The following PTPRG variants were observed in gnomAD, a reference collection of about 807,000 sequenced individuals.
PTPRG encodes the protein receptor-type tyrosine-protein phosphatase gamma.
Under a neutral mutation model 165.3 loss-of-function variants are expected in PTPRG, and 102 were observed. The observed-to-expected ratio is 0.62, with a 90% CI of 0.53 to 0.73. The LOEUF is 0.73. PTPRG is among the 30% of genes least tolerant of loss of function. The probability of loss-of-function intolerance (pLI) is 0.00; values close to 1 mark genes in which losing one functional copy is unlikely to be tolerated. For synonymous variants in PTPRG, 675 were observed against 669.5 expected, an observed-to-expected ratio of 1.01 and a Z score of -0.13; for missense variants, 1,866 against 1,861.4, an observed-to-expected ratio of 1.00 and a Z score of -0.05.
chr3:61,723,265 T>C (rs540564080), intron 1 of PTPRG, among the ~76,000 whole-genome samples: 1 of 152,294 alleles, frequency 6.6e-6, no homozygotes, highest in Admixed American at 6.5e-5. Context: ...GTGACTTTTC[T>C]ATTTTTTTTT....
intron 4 of PTPRG, among the ~76,000 whole-genome samples, chr3:62,065,999 C>G (rs1700999984): frequency 6.6e-6 from 1 of 152,220 alleles, no homozygotes; most frequent in South Asian, 2.1e-4. Flanking sequence ...TTATGGAGAA[C>G]CATGATGTGG....
At chr3:61,994,124 TC>T (rs2040962950) in intron 3 of PTPRG, among the ~76,000 whole-genome samples, 1 of 152,188 alleles carries the variant, frequency 6.6e-6, no homozygotes, top group African/African-American at 2.4e-5. Context: ...TAAAGTTATT[TC>T]CCTTTCTTTC....
chr3:61,891,233 A>T (rs914974525), intron 2 of PTPRG, among the ~76,000 whole-genome samples: 2 of 152,062 alleles, frequency 1.3e-5, no homozygotes, highest in Non-Finnish European at 2.9e-5. Context: ...CAAGAGAATC[A>T]CTTGAATCAG....
intron 1 of PTPRG, among the ~76,000 whole-genome samples, chr3:61,685,225 A>G (rs1314620573): frequency 1.3e-5 from 2 of 152,238 alleles, no homozygotes; most frequent in Admixed American, 1.3e-4. Context: ...GAAGAGTTCA[A>G]GACAAGGAAA....
intron 4 of PTPRG, among the ~76,000 whole-genome samples, chr3:62,024,161 T>C (rs1286312842): frequency 6.6e-6 from 1 of 152,190 alleles, no homozygotes; most frequent in Non-Finnish European, 1.5e-5. Flanking sequence ...GATATATGTG[T>C]ACATTATGGA....
rs2031817008 is a variant in PTPRG at position 61,716,562 on chromosome 3, T to TC, written c.86-32315dup. On this transcript the variant is annotated intron_variant, in intron 1 of 29. Transcript: ENST00000474889. The stretch of plus-strand genomic sequence containing the variant: ...GTGTCCCCATTGCGTACTCTTTTTT[T>TC]CTCTCATTATCTTTTCTTATTGTTG... Among the ~76,000 whole-genome samples the TC allele has an allele frequency of 2.0e-5, 3 of 152,198 alleles. No individual in the cohort carries two copies. The South Asian group carries it at 6.2e-4, about 31-fold the overall frequency.
chr3:62,067,552 A>G (rs764544654), intron 4 of PTPRG, among the ~76,000 whole-genome samples: 2 of 152,156 alleles, frequency 1.3e-5, no homozygotes, highest in Admixed American at 1.3e-4. Flanking sequence ...TAATTTTACA[A>G]TGTATAATTG....
rs937693098 is a variant in PTPRG at position 62,237,374 on chromosome 3, T to C, written c.2375+6063T>C. ...ATAACTGGAATTTTATTAATACTTA[T>C]AAAGGACTGTCAGAGCAGCTGGGCG... On this transcript the variant is annotated intron_variant, in intron 14 of 29. Transcript: ENST00000474889. The surrounding 1 kb of genome is among the most constrained non-coding windows in gnomAD (Gnocchi z 4.5). Among the ~76,000 whole-genome samples the C allele has an allele frequency of 1.3e-5, 2 of 152,164 alleles. No individual in the cohort carries two copies. The highest frequency in any genetic ancestry group is 4.8e-5 in the African/African-American group (2 of 41,444).
At chr3:61,609,726 G>T (rs1449662586) in intron 1 of PTPRG, among the ~76,000 whole-genome samples, 1 of 152,018 alleles carries the variant, frequency 6.6e-6, no homozygotes, top group Non-Finnish European at 1.5e-5. Flanking sequence ...GGGTGTGGTG[G>T]CGTGCACCTG....
chr3:62,112,266 A>G (rs758294749), intron 5 of PTPRG, among the ~76,000 whole-genome samples: 12 of 151,950 alleles, frequency 7.9e-5, no homozygotes, highest in South Asian at 2.1e-4. Context: ...CACCATGCGC[A>G]GCTAATTTTT....
intron 2 of PTPRG, among the ~76,000 whole-genome samples, chr3:61,958,376 C>T (rs2040080657): frequency 6.6e-6 from 1 of 152,244 alleles, no homozygotes; most frequent in Non-Finnish European, 1.5e-5. Context: ...ATCAAGTTAC[C>T]CACCCACTTC....
At chr3:62,159,061 A>G (rs558050539) in intron 7 of PTPRG, among the ~76,000 whole-genome samples, 2 of 152,226 alleles carry the variant, frequency 1.3e-5, no homozygotes, top group South Asian at 2.1e-4. Context: ...TCAGTGGCTC[A>G]TGCCTATAAT....
At chr3:62,205,243 G>T (rs1330530069) in intron 12 of PTPRG, among the ~76,000 whole-genome samples, 1 of 152,172 alleles carries the variant, frequency 6.6e-6, no homozygotes, top group Non-Finnish European at 1.5e-5. Context: ...GTGGAACTGA[G>T]TGAAGGAAAT....
intron 10 of PTPRG, among the ~76,000 whole-genome samples, chr3:62,198,867 G>A (rs1204735643): frequency 6.6e-6 from 1 of 152,184 alleles, no homozygotes; most frequent in Non-Finnish European, 1.5e-5. Flanking sequence ...TACATGCATA[G>A]TGGAAAAAAG....
chr3:61,842,700 A>G (rs74890717), intron 2 of PTPRG, among the ~76,000 whole-genome samples: 6 of 146,168 alleles, frequency 4.1e-5, no homozygotes, highest in Admixed American at 2.0e-4. Context: ...AAAAAAAAAA[A>G]AAAGAAAAAG....
At chr3:62,147,612 G>A (rs1191567430) in intron 6 of PTPRG, among the ~76,000 whole-genome samples, 1 of 152,156 alleles carries the variant, frequency 6.6e-6, no homozygotes, top group East Asian at 1.9e-4. Flanking sequence ...CACGATTGAT[G>A]TTGACTTGGA....
intron 3 of PTPRG, among the ~76,000 whole-genome samples, chr3:62,000,269 A>G (rs2041140002): frequency 6.9e-6 from 1 of 144,508 alleles, no homozygotes; most frequent in Non-Finnish European, 1.5e-5. Context: ...CAACAGAGCG[A>G]GACTCTGTCT....
intron 1 of PTPRG, among the ~76,000 whole-genome samples, chr3:61,607,787 C>G (rs932482659): frequency 6.6e-6 from 1 of 152,024 alleles, no homozygotes; most frequent in Non-Finnish European, 1.5e-5. Context: ...TAAATAAATG[C>G]CATGTGGGCT....
chr3:61,690,313 T>G (rs2030113547), intron 1 of PTPRG, among the ~76,000 whole-genome samples: 1 of 152,166 alleles, frequency 6.6e-6, no homozygotes, highest in Non-Finnish European at 1.5e-5. Context: ...AAAGACCCCC[T>G]AAGGAACAGC....
Sources: gnomAD v4.1 joint callset for allele counts (sites outside exome capture counted in the v4.1 genomes callset) on GRCh38, gnomAD v4.1.1 for gene constraint, Gnocchi (gnomAD v3.1) non-coding constraint, MANE v1.5 for transcripts, NCBI Gene and HGNC (gene_info 2026-07-23, HGNC 2026-07-21) for gene names.